The following PLCG2 variants were observed in gnomAD, a reference collection of about 807,000 sequenced individuals.
The protein encoded by PLCG2 is phospholipase C gamma 2.
Under a neutral mutation model 175.6 loss-of-function variants are expected in PLCG2, and 69 were observed. That is an observed-to-expected ratio of 0.39 (90% confidence interval 0.32 to 0.48). The LOEUF is 0.48. Among genes scored for constraint, PLCG2 ranks in the 20% least tolerant of loss-of-function variants. The probability of loss-of-function intolerance (pLI) is 0.91; values close to 1 mark genes in which losing one functional copy is unlikely to be tolerated. For missense variants in PLCG2, 1,798 were observed against 1,650.9 expected (o/e 1.09, Z -1.54); for synonymous variants, 827 against 624.0 (o/e 1.33, Z -4.85).
intron 7 of PLCG2, among the ~76,000 whole-genome samples, chr16:81,877,613 C>T (rs890386907): frequency 2.6e-5 from 4 of 152,216 alleles, no homozygotes; most frequent in African/African-American, 9.6e-5. Flanking sequence ...GCCAGCAATG[C>T]TTCAAGCATT....
chr16:81,918,198 T>C (rs140552921), intron 19 of PLCG2, among the ~76,000 whole-genome samples: 1 of 152,360 alleles, frequency 6.6e-6, no homozygotes, highest in Non-Finnish European at 1.5e-5. Context: ...AGCCTCTTAG[T>C]TTGATAAAAT....
In PLCG2 at chr16:81,852,755, C is replaced by T. The variant is rs991161169; in HGVS notation, c.194-1689C>T. Among the ~76,000 whole-genome samples the T allele has an allele frequency of 7.2e-5, 11 of 152,190 alleles. 1 individual carries two copies. The highest frequency in any genetic ancestry group is 2.0e-4 in the Admixed American group (3 of 15,288). On this transcript the variant is annotated intron_variant, in intron 2 of 32. Transcript: ENST00000564138. Reference sequence around the variant, plus strand: ...ATTGCACATATTTCTACAATCTGGGCATGGGTGGGGACTGGGAGAGCTTGT... The same window carrying T: ...ATTGCACATATTTCTACAATCTGGGTATGGGTGGGGACTGGGAGAGCTTGT...
chr16:81,830,402 G>A (rs1468234222), intron 2 of PLCG2, among the ~76,000 whole-genome samples: 1 of 152,114 alleles, frequency 6.6e-6, no homozygotes, highest in Admixed American at 6.5e-5. Flanking sequence ...CACTTCTTGG[G>A]TTCAAGCGTT....
chr16:81,932,028 A>G (rs1910523706), intron 25 of PLCG2, among the ~76,000 whole-genome samples: 1 of 152,188 alleles, frequency 6.6e-6, no homozygotes, highest in African/African-American at 2.4e-5. Context: ...CTGACAGAAA[A>G]CGTTCACTGA....
chr16:81,896,927 T>C (rs8048100), intron 13 of PLCG2, among the ~76,000 whole-genome samples: 52,688 of 152,144 alleles, frequency 0.35, 10,860 homozygotes, highest in East Asian at 0.72. Flanking sequence ...GTGTAATCCT[T>C]TTCTGTCCCA....
intron 2 of PLCG2, chr16:81,767,555 A>C (rs943760154): frequency 3.3e-5 from 5 of 151,974 alleles, no homozygotes; most frequent in African/African-American, 1.2e-4. Context: ...TGGGATTATC[A>C]CTTGTATTGT....
At chr16:81,890,867 A>C (rs1235754575) in intron 10 of PLCG2, among the ~76,000 whole-genome samples, 3 of 152,206 alleles carry the variant, frequency 2.0e-5, no homozygotes, top group Non-Finnish European at 4.4e-5. Context: ...TTATGCTTTA[A>C]ATTGTATATA....
intron 2 of PLCG2, among the ~76,000 whole-genome samples, chr16:81,790,935 C>T (rs185043432): frequency 6.6e-6 from 1 of 152,304 alleles, no homozygotes; most frequent in Admixed American, 6.5e-5. Context: ...AGTGATCCAG[C>T]AAACGTGTCA....
chr16:81,847,630 A>G (rs552562310), intron 2 of PLCG2, among the ~76,000 whole-genome samples: 3 of 152,278 alleles, frequency 2.0e-5, no homozygotes, highest in South Asian at 4.1e-4. Flanking sequence ...GTATTTGTGG[A>G]TTCTGCGTCT....
At chr16:81,797,026 AGG>A (rs769362682) in intron 2 of PLCG2, among the ~76,000 whole-genome samples, 6 of 152,178 alleles carry the variant, frequency 3.9e-5, no homozygotes, top group Non-Finnish European at 8.8e-5. Flanking sequence ...GGAATTTAAG[AGG>A]CGTTGCTTTC....
intron 2 of PLCG2, among the ~76,000 whole-genome samples, chr16:81,796,929 AG>A (rs1425135185): frequency 6.6e-6 from 1 of 152,210 alleles, no homozygotes; most frequent in African/African-American, 2.4e-5. Flanking sequence ...CTCATGTAAC[AG>A]GGGCCTGAGG....
At chr16:81,861,145 T>C (rs1419952475) in intron 5 of PLCG2, among the ~76,000 whole-genome samples, 1 of 152,244 alleles carries the variant, frequency 6.6e-6, no homozygotes, top group Non-Finnish European at 1.5e-5. Flanking sequence ...CCTTGTCTCA[T>C]GTTAGCCTCA....
At chr16:81,930,729 C>T (rs1280323712) in intron 24 of PLCG2, among the ~76,000 whole-genome samples, 1 of 127,204 alleles carries the variant, frequency 7.9e-6, no homozygotes, top group African/African-American at 3.0e-5. Context: ...GCCTGGGTGA[C>T]AGAGTGCCAC....
chr16:81,778,891 G>A (rs1343940279), upstream of PLCG2, among the ~76,000 whole-genome samples: 1 of 152,242 alleles, frequency 6.6e-6, no homozygotes, highest in East Asian at 1.9e-4. Context: ...GAACTCTCGA[G>A]CTCAGACGAT....
At chr16:81,855,489 C>T (rs12922252) in intron 3 of PLCG2, among the ~76,000 whole-genome samples, 5 of 152,042 alleles carry the variant, frequency 3.3e-5, no homozygotes, top group African/African-American at 4.8e-5. Flanking sequence ...ATTTACTTTT[C>T]GGTCAAATAA....
chr16:81,827,105 G>A (rs545770284), intron 2 of PLCG2, among the ~76,000 whole-genome samples: 6 of 152,198 alleles, frequency 3.9e-5, no homozygotes, highest in East Asian at 1.9e-4. Flanking sequence ...TTGACCTTGC[G>A]CTGAAATAAG....
intron 2 of PLCG2, among the ~76,000 whole-genome samples, chr16:81,852,485 GC>G (rs79951189): frequency 0.25 from 38,582 of 151,884 alleles, 5,465 homozygotes; most frequent in East Asian, 0.56. Context: ...GACTGGTTGA[GC>G]TTGTTGAGCT....
chr16:81,880,424 A>G (rs986215917), intron 7 of PLCG2, among the ~76,000 whole-genome samples: 1 of 152,224 alleles, frequency 6.6e-6, no homozygotes, highest in Non-Finnish European at 1.5e-5. Flanking sequence ...GTGGGCAAAG[A>G]TAGAGAAATA....
intron 2 of PLCG2, 59 bp downstream of exon 2, chr16:81,786,241 C>T: frequency 7.4e-7 from 1 of 1,358,898 alleles, no homozygotes. Context: ...GCCTGAGCAC[C>T]TGTCCACCTT....
Sources: allele counts gnomAD v4.1 joint callset (sites outside exome capture counted in the v4.1 genomes callset), GRCh38; gene constraint gnomAD v4.1.1; transcripts MANE v1.5; gene names NCBI Gene and HGNC (gene_info 2026-07-23, HGNC 2026-07-21).